The following AFMID variants were observed in gnomAD, a reference collection of about 807,000 sequenced individuals.
AFMID encodes kynurenine formamidase.
AFMID carries 39 observed loss-of-function variants against 47.5 expected under a neutral mutation model. The observed-to-expected ratio is 0.82, with a 90% CI of 0.64 to 1.07. AFMID has a LOEUF of 1.07. Ranked by LOEUF, AFMID falls within the 50% of genes least tolerant of loss-of-function variation. The probability of loss-of-function intolerance (pLI) is 0.00; values close to 1 mark genes in which losing one functional copy is unlikely to be tolerated. For missense variants in AFMID, 375 were observed against 387.5 expected (o/e 0.97, Z 0.27); for synonymous variants, 130 against 153.2 (o/e 0.85, Z 1.12).
chr17:78,192,686 C>G, intron 2 of AFMID: 1 of 470,338 alleles, frequency 2.1e-6, no homozygotes, highest in Non-Finnish European at 4.4e-6. Context: ...AGGTCCATTT[C>G]CATCTCTACC....
In AFMID at chr17:78,191,014, G is replaced by A; in HGVS notation, c.108G>A (p.Leu36=). The change falls in exon 2 of 11, where the codon CTG becomes CTA. Residue 36 remains leucine (L), a synonymous_variant. Coordinates refer to ENST00000409257, the MANE Select transcript of AFMID (RefSeq NM_001010982.5). ...GTCCCAGCCGATGGGTTGTCCGACT[G>A]GGAGCAGAGGAAGCCTTGAGGACCT... ...QYCPSRWVVR[L]GAEEALRTYS... is the part of the protein sequence containing the mutation. The A allele has an allele frequency of 1.9e-6, 3 of 1,614,130 alleles. No individual in the cohort carries two copies. In the South Asian group the frequency reaches 3.3e-5, roughly 18 times the overall value.
intron 1 of AFMID, among the ~76,000 whole-genome samples, chr17:78,189,219 CTTTTTTT>C (rs770863206): frequency 3.3e-5 from 4 of 122,750 alleles, no homozygotes; most frequent in Non-Finnish European, 5.0e-5. Context: ...TTCCTTGTTA[CTTTTTTT>C]TTTTTTTTTT....
chr17:78,200,965 T>G (rs8071128), intron 2 of AFMID, among the ~76,000 whole-genome samples: 5,249 of 152,090 alleles, frequency 0.035, 237 homozygotes, highest in East Asian at 0.23. Flanking sequence ...GTTTACTGAC[T>G]GATCATTCCC....
chr17:78,200,199 A>G (rs752744145), intron 2 of AFMID, among the ~76,000 whole-genome samples: 3 of 152,164 alleles, frequency 2.0e-5, no homozygotes, highest in Non-Finnish European at 2.9e-5. Context: ...TCTGTCGCCC[A>G]GGCTGGAGTG....
chr17:78,188,451 G>A (rs1273071464), intron 1 of AFMID, among the ~76,000 whole-genome samples: 2 of 152,106 alleles, frequency 1.3e-5, no homozygotes, highest in African/African-American at 2.4e-5. Context: ...ACACAGTCTC[G>A]CTCAGTCACC....
At chr17:78,190,861 G>A (rs926822135) in intron 1 of AFMID, 109 bp from the exon 2 acceptor site, 2 of 905,696 alleles carry the variant, frequency 2.2e-6, no homozygotes, top group African/African-American at 3.3e-5. Context: ...CTGGGATACT[G>A]GGGCGAGGGC....
intron 4 of AFMID, chr17:78,203,005 C>T (rs2076286276): frequency 7.5e-6 from 4 of 533,010 alleles, no homozygotes; most frequent in African/African-American, 3.8e-5. Flanking sequence ...CAGCCTCTGC[C>T]TCCATTCACA....
intron 1 of AFMID, 117 bp downstream of exon 1, chr17:78,187,550 G>C: frequency 9.2e-7 from 1 of 1,084,768 alleles, no homozygotes; most frequent in East Asian, 2.5e-5. Flanking sequence ...GGCATGCAGA[G>C]CGCCTAGTGC....
chr17:78,193,455 C>T (rs934747903), intron 2 of AFMID, among the ~76,000 whole-genome samples: 11 of 149,772 alleles, frequency 7.3e-5, no homozygotes, highest in African/African-American at 2.7e-4. Context: ...AAAGAGCTGA[C>T]CCTATTGAGA....
chr17:78,205,825 C>A (rs767147860), intron 9 of AFMID, 87 bp downstream of exon 9: 57 of 1,594,910 alleles, frequency 3.6e-5, no homozygotes, highest in Non-Finnish European at 4.4e-5. Flanking sequence ...TGGACAAGAC[C>A]CTCCATCATT....
At chr17:78,206,186 C>A in intron 10 of AFMID, 136 bp downstream of exon 10, 1 of 704,722 alleles carries the variant, frequency 1.4e-6, no homozygotes, top group Non-Finnish European at 2.4e-6. Flanking sequence ...AAATACAAAA[C>A]AAATTAGCCA....
chr17:78,206,449 T>C (rs2076385662), intron 10 of AFMID, among the ~76,000 whole-genome samples: 1 of 151,648 alleles, frequency 6.6e-6, no homozygotes, highest in South Asian at 2.1e-4. Flanking sequence ...TCTCCTCTCT[T>C]GCACCCAGGC....
chr17:78,192,677 G>C (rs560461096), intron 2 of AFMID: 14 of 470,596 alleles, frequency 3.0e-5, no homozygotes, highest in Non-Finnish European at 5.7e-5. Flanking sequence ...GAAGTCTTAA[G>C]GTCCATTTCC....
At position 78,202,770 on chromosome 17, in the gene AFMID, A is replaced by T; in HGVS notation, c.308+19A>T. 1 of 1,553,282 alleles carries T rather than the reference A, an allele frequency of 6.4e-7. No homozygotes were observed. Among genetic ancestry groups the T allele is most frequent in the Non-Finnish European group, 8.7e-7 (1 of 1,148,160 alleles). On this transcript the variant is annotated intron_variant, in intron 4 of 10. Coordinates refer to ENST00000409257, the MANE Select transcript of AFMID (RefSeq NM_001010982.5). ...GCGGAAGGTGAGTCGGGGGATGTGG[A>T]TGGTGGACTGCAAGAGAGATTCCAC...
At chr17:78,202,912 G>A in intron 4 of AFMID, 161 bp downstream of exon 4, 1 of 900,842 alleles carries the variant, frequency 1.1e-6, no homozygotes, top group East Asian at 2.7e-5. Flanking sequence ...TCAAATGTGG[G>A]CAGGGTTCCT....
At chr17:78,190,537 G>A (rs73377450) in intron 1 of AFMID, among the ~76,000 whole-genome samples, 19,867 of 152,146 alleles carry the variant, frequency 0.13, 2,194 homozygotes, top group African/African-American at 0.27. Context: ...GGGATTACAG[G>A]TGCACACCAC....
intron 1 of AFMID, among the ~76,000 whole-genome samples, chr17:78,189,253 G>A (rs543119460): frequency 4.3e-4 from 56 of 131,128 alleles, no homozygotes; most frequent in Middle Eastern, 4.4e-3. Context: ...ATGGAGTCTC[G>A]CTGTTGTCAC....
At chr17:78,189,478 C>T (rs2075901632) in intron 1 of AFMID, among the ~76,000 whole-genome samples, 2 of 151,874 alleles carry the variant, frequency 1.3e-5, no homozygotes, top group Non-Finnish European at 2.9e-5. Flanking sequence ...CCGCCTCAGC[C>T]TCCCAAAGTG....
At chr17:78,196,037 A>G (rs1439644660) in intron 2 of AFMID, among the ~76,000 whole-genome samples, 2 of 152,014 alleles carry the variant, frequency 1.3e-5, no homozygotes, top group Non-Finnish European at 2.9e-5. Context: ...ACGGGGTTTC[A>G]CCGTGTTAGC....
Sources: gnomAD v4.1 joint callset for allele counts (sites outside exome capture counted in the v4.1 genomes callset) on GRCh38, gnomAD v4.1.1 for gene constraint, MANE v1.5 for transcripts, NCBI Gene and HGNC (gene_info 2026-07-23, HGNC 2026-07-21) for gene names.